Variants in RARB observed in about 807,000 individuals in gnomAD.
RARB encodes the protein HBV-activated protein.
RARB carries 17 observed loss-of-function variants against 51.9 expected under a neutral mutation model. The observed-to-expected ratio is 0.33, with a 90% CI of 0.22 to 0.49. The LOEUF is 0.49. Ranked by LOEUF, RARB falls within the 20% of genes least tolerant of loss-of-function variation. The pLI is 0.99. For synonymous variants in RARB, 215 were observed against 195.4 expected, an observed-to-expected ratio of 1.10 and a Z score of -0.84; for missense variants, 369 against 550.8, an observed-to-expected ratio of 0.67 and a Z score of 3.30.
chr3:25,275,633 G>A (rs1326924866), intron 5 of RARB, among the ~76,000 whole-genome samples: 4 of 152,190 alleles, frequency 2.6e-5, no homozygotes, highest in Non-Finnish European at 4.4e-5. Context: ...AGCCCTGTAA[G>A]GGAAGTAACT....
At chr3:25,362,620 T>C (rs986175049) in intron 5 of RARB, among the ~76,000 whole-genome samples, 3 of 152,186 alleles carry the variant, frequency 2.0e-5, no homozygotes, top group Admixed American at 1.3e-4. Flanking sequence ...TGAGGGAACC[T>C]CCTGGTCTGT....
intron 2 of RARB, among the ~76,000 whole-genome samples, chr3:25,466,777 A>G (rs866389186): frequency 5.9e-5 from 9 of 152,354 alleles, no homozygotes; most frequent in Middle Eastern, 3.4e-3. Context: ...TGCTGCCATT[A>G]TTCAACTCTG....
intron 5 of RARB, among the ~76,000 whole-genome samples, chr3:25,175,265 CTG>C (rs932984831): frequency 6.6e-6 from 1 of 152,194 alleles, no homozygotes; most frequent in Non-Finnish European, 1.5e-5. Flanking sequence ...TAAAGACAAA[CTG>C]TGGTAGCCAG....
chr3:25,375,063 T>C (rs1295892192), intron 5 of RARB, among the ~76,000 whole-genome samples: 1 of 152,130 alleles, frequency 6.6e-6, no homozygotes, highest in African/African-American at 2.4e-5. Flanking sequence ...ATAAACACAG[T>C]TGTCAACAAA....
At chr3:24,900,948 T>C (rs1341322287) in intron 2 of RARB, among the ~76,000 whole-genome samples, 1 of 152,216 alleles carries the variant, frequency 6.6e-6, no homozygotes, top group Non-Finnish European at 1.5e-5. Flanking sequence ...GATTCATTGA[T>C]CCAATATTGG....
At chr3:25,537,682 T>A (rs1358969543) in intron 3 of RARB, among the ~76,000 whole-genome samples, 1 of 152,200 alleles carries the variant, frequency 6.6e-6, no homozygotes, top group Admixed American at 6.5e-5. Context: ...GGCCCAACTC[T>A]GAATCATGAT....
intron 2 of RARB, among the ~76,000 whole-genome samples, chr3:25,481,428 G>GA (rs2125581912): frequency 6.6e-6 from 1 of 152,262 alleles, no homozygotes; most frequent in Admixed American, 6.5e-5. Context: ...AAAAATTTTT[G>GA]AAAAACACTG....
chr3:25,115,737 T>C (rs1183943976), intron 3 of RARB, among the ~76,000 whole-genome samples: 2 of 151,730 alleles, frequency 1.3e-5, no homozygotes, highest in African/African-American at 2.4e-5. Flanking sequence ...TCATGGCTCA[T>C]TGCAGCCTCA....
chr3:25,444,903 A>G (rs1467179350), intron 1 of RARB, among the ~76,000 whole-genome samples: 1 of 152,102 alleles, frequency 6.6e-6, no homozygotes, highest in Non-Finnish European at 1.5e-5. Context: ...TTTAGAGACC[A>G]GTGTTACCAT....
At chr3:25,028,737 T>G (rs1387419585) in intron 2 of RARB, among the ~76,000 whole-genome samples, 2 of 152,174 alleles carry the variant, frequency 1.3e-5, no homozygotes, top group Non-Finnish European at 2.9e-5. Context: ...CCTCTTCCTG[T>G]GCTTAAGGGA....
intron 5 of RARB, among the ~76,000 whole-genome samples, chr3:25,587,742 G>T (rs569083490): frequency 1.3e-4 from 20 of 152,280 alleles, no homozygotes; most frequent in African/African-American, 4.8e-4. Context: ...CTTAAACATT[G>T]TTACTAGTAT....
At chr3:24,992,139 A>G (rs1057013190) in intron 2 of RARB, among the ~76,000 whole-genome samples, 2 of 152,150 alleles carry the variant, frequency 1.3e-5, no homozygotes, top group East Asian at 3.9e-4. Context: ...GTGCATGCCT[A>G]CTTTGCTCTG....
At chr3:25,372,244 C>A (rs781588099) in intron 5 of RARB, among the ~76,000 whole-genome samples, 3 of 152,178 alleles carry the variant, frequency 2.0e-5, no homozygotes, top group South Asian at 2.1e-4. Context: ...CTGGATAATT[C>A]TTTGCTGTGA....
rs574690387 is a variant in RARB at position 25,590,644 on chromosome 3, C to T, written c.787-2859C>T. On this transcript the variant is annotated intron_variant, in intron 5 of 7. Coordinates refer to ENST00000330688, the MANE Select transcript of RARB (RefSeq NM_000965.5). Reference sequence around the variant, plus strand: ...AAGAGATTCTCCAACCTCAGCCTGCCCAGCAGATGGGACTACAGGTGCGCT... The same window carrying T: ...AAGAGATTCTCCAACCTCAGCCTGCTCAGCAGATGGGACTACAGGTGCGCT... 9.9e-5 allele frequency among the ~76,000 whole-genome samples: 15 copies of T among 152,246 alleles called. No homozygotes were observed. The East Asian group carries it at 2.5e-3, about 26-fold the overall frequency.
At chr3:25,080,195 G>C (rs116232454) in intron 3 of RARB, among the ~76,000 whole-genome samples, 1,696 of 152,240 alleles carry the variant, frequency 0.011, 37 homozygotes, top group African/African-American at 0.037. Context: ...ATTTGAGTTT[G>C]TGTCTGATTT....
Position 25,257,621 on chromosome 3 carries a change from T to C in RARB, c.178+83046T>C, listed in dbSNP as rs1055502391. On this transcript the variant is annotated intron_variant, in intron 5 of 11. Transcript: ENST00000383772. ...ATCTGTCTTGTTAATGATGTTTAAA[T>C]GGAAAGCCCTGTGTCCAAGTTCGTC... Among the ~76,000 whole-genome samples the C allele has an allele frequency of 5.3e-5, 8 of 152,196 alleles. No homozygotes were observed. The South Asian group carries it at 1.0e-3, about 20-fold the overall frequency.
At chr3:24,849,816 G>A (rs1702534298) in intron 1 of RARB, among the ~76,000 whole-genome samples, 1 of 152,348 alleles carries the variant, frequency 6.6e-6, no homozygotes, top group East Asian at 1.9e-4. Context: ...AAATTCTGTG[G>A]TTTTGCATTT....
At chr3:25,017,431 AC>A (rs1391511378) in intron 2 of RARB, among the ~76,000 whole-genome samples, 2 of 152,140 alleles carry the variant, frequency 1.3e-5, no homozygotes, top group Non-Finnish European at 2.9e-5. Context: ...TCTGCAATCA[AC>A]ATTAATTCAA....
rs73047719 is a variant in RARB, at chr3:25,108,525, A to C, written c.-327-23636A>C. On this transcript the variant is annotated intron_variant, in intron 3 of 11. Coordinates refer to the RARB transcript ENST00000383772. ...GGAGGTTTTATGGACCAGATCAGGA[A>C]GTGCCATACATCACTCGTAATCCTA... Among the ~76,000 whole-genome samples the C allele has an allele frequency of 7.9e-3, 1,204 of 152,290 alleles. 4 individuals are homozygous for C. Among genetic ancestry groups the C allele is most frequent in the Middle Eastern group, 0.024 (7 of 294 alleles).
Sources: gnomAD v4.1 joint callset for allele counts (sites outside exome capture counted in the v4.1 genomes callset) on GRCh38, gnomAD v4.1.1 for gene constraint, MANE v1.5 for transcripts, NCBI Gene and HGNC (gene_info 2026-07-23, HGNC 2026-07-21) for gene names.